AREL1: variants seen among roughly 807,000 people sequenced by gnomAD.
AREL1 encodes apoptosis resistant E3 ubiquitin protein ligase 1.
In AREL1, 62 loss-of-function variants were observed where a neutral mutation model predicts 99.0. That is an observed-to-expected ratio of 0.63 (90% confidence interval 0.51 to 0.77). AREL1 has a LOEUF of 0.77. Among genes scored for constraint, AREL1 ranks in the 30% least tolerant of loss-of-function variants. The pLI, the probability that AREL1 is intolerant of heterozygous loss-of-function variation, is 0.00. For synonymous variants in AREL1, 380 were observed against 376.5 expected (o/e 1.01, Z -0.11); for missense variants, 879 against 1,027.6 (o/e 0.86, Z 1.98).
At chr14:74,689,777 G>A (rs1048024502) in intron 2 of AREL1, among the ~76,000 whole-genome samples, 1 of 151,246 alleles carries the variant, frequency 6.6e-6, no homozygotes, top group African/African-American at 2.4e-5. Context: ...TGTATTTTTA[G>A]TAGAGACGGG....
At chr14:74,676,494 AAG>A (rs932640389) in intron 6 of AREL1, 87 bp downstream of exon 6, 76 of 1,477,498 alleles carry the variant, frequency 5.1e-5, no homozygotes, top group Non-Finnish European at 6.6e-5. Context: ...AGGAGAAGGA[AAG>A]AGAGATCGAA....
At chr14:74,707,777 G>C (rs1172258842) in intron 1 of AREL1, among the ~76,000 whole-genome samples, 1 of 137,692 alleles carries the variant, frequency 7.3e-6, no homozygotes, top group South Asian at 2.5e-4. Flanking sequence ...CTGGGCGACA[G>C]AGTGAGATTC....
Position 74,670,057 on chromosome 14 carries a change from C to T in AREL1, c.1678G>A (p.Gly560Ser). ...KMYEFAGRLV[G>S]KCLYESSLGG... The stretch of plus-strand genomic sequence containing the variant: ...AGAGAGGACTCATAGAGACACTTGC[C>T]CACGAGCCGTCCCGCAAACTCATAC... The change falls in exon 14 of 20, where the codon GGC becomes AGC. Residue 560 changes from glycine to serine, a missense_variant. Coordinates refer to ENST00000356357, the MANE Select transcript of AREL1 (RefSeq NM_001039479.2). 6.2e-7 allele frequency: 1 copy of T among 1,614,028 alleles called. No individual in the cohort carries two copies. Among genetic ancestry groups the T allele is most frequent in the Non-Finnish European group, 8.5e-7 (1 of 1,179,934 alleles).
chr14:74,669,790 GAC>G lies in AREL1; in HGVS notation c.1789-18_1789-17del. 3 of 1,613,994 alleles carry G rather than the reference GAC, an allele frequency of 1.9e-6. No homozygotes were observed. Among genetic ancestry groups the G allele is most frequent in the Non-Finnish European group, 2.5e-6 (3 of 1,179,932 alleles). On this transcript the variant is annotated splice_polypyrimidine_tract_variant and intron_variant, in intron 14 of 19. Transcript: ENST00000356357. The stretch of plus-strand genomic sequence containing the variant: ...TTTCAAAGTACTGAGGAGGCAGAAA[GAC>G]ACAGAACAGAACATGAATACTCTTG...
chr14:74,694,422 C>T (rs529257040), intron 1 of AREL1, among the ~76,000 whole-genome samples: 1 of 152,174 alleles, frequency 6.6e-6, no homozygotes, highest in East Asian at 1.9e-4. Flanking sequence ...AGGAACAAAA[C>T]TGTTTATGTA....
At chr14:74,697,106 C>T (rs964786079) in intron 1 of AREL1, among the ~76,000 whole-genome samples, 10 of 152,128 alleles carry the variant, frequency 6.6e-5, no homozygotes, top group African/African-American at 2.2e-4. Context: ...GATCACACCA[C>T]ACCACTGTAC....
rs1033536294 is a variant in AREL1, at chr14:74,662,693, G to A, written c.*1027C>T. The A allele has an allele frequency of 5.8e-5, 23 of 398,252 alleles. No homozygotes were observed. Among genetic ancestry groups the A allele is most frequent in the Non-Finnish European group, 7.5e-5 (17 of 225,948 alleles). The allele number at this position is 398,252 out of a possible 1,614,324, so 24.7% of individuals were successfully genotyped here. A position where few individuals can be genotyped will look rare whatever the true frequency, so the allele number is the denominator to read the frequency against. ...GACGCCAAGGACCTGTGATAAGCACGTAAACTCCTAGTCCCTGTTCCTTTG... is the reference window on the plus strand; with the variant it reads ...GACGCCAAGGACCTGTGATAAGCACATAAACTCCTAGTCCCTGTTCCTTTG... On this transcript the variant is annotated 3_prime_UTR_variant, in exon 20 of 20. Transcript: ENST00000356357.
intron 1 of AREL1, among the ~76,000 whole-genome samples, chr14:74,701,276 A>C (rs2090080572): frequency 1.3e-5 from 2 of 152,188 alleles, no homozygotes; most frequent in African/African-American, 2.4e-5. Context: ...AAGATATATT[A>C]GTCCAATTTC....
chr14:74,683,254 G>T, intron 5 of AREL1, 42 bp downstream of exon 5: 1 of 1,377,540 alleles, frequency 7.3e-7, no homozygotes, highest in South Asian at 1.2e-5. Context: ...AAGAGAGAGA[G>T]GGAAGGAGAC....
chr14:74,707,591 C>T lies in AREL1; in HGVS notation c.-334+5342G>A, dbSNP rs555698869. Among the ~76,000 whole-genome samples the T allele has an allele frequency of 1.2e-4, 18 of 152,114 alleles. No homozygotes were observed. The East Asian group carries it at 1.7e-3, about 15-fold the overall frequency. On this transcript the variant is annotated intron_variant, in intron 1 of 19. Transcript: ENST00000356357. Reference sequence around the variant, plus strand: ...CAGGTGGGTCACAAGGTCAGGAGATCGAGACCTTCCTGGCTAACATGTGAA... The same window carrying T: ...CAGGTGGGTCACAAGGTCAGGAGATTGAGACCTTCCTGGCTAACATGTGAA...
intron 1 of AREL1, among the ~76,000 whole-genome samples, chr14:74,700,459 G>C (rs1459547006): frequency 6.6e-6 from 1 of 152,194 alleles, no homozygotes; most frequent in Non-Finnish European, 1.5e-5. Context: ...TCTTGGGATA[G>C]GAAGAATTAA....
At chr14:74,671,347 T>TTTTTGTG in intron 12 of AREL1, 61 bp downstream of exon 12, 1 of 304,358 alleles carries the variant, frequency 3.3e-6, no homozygotes, top group Non-Finnish European at 5.7e-6. Flanking sequence ...TTTTTTTTTG[T>TTTTTGTG]GGAGAAGGTG....
intron 5 of AREL1, among the ~76,000 whole-genome samples, chr14:74,680,056 A>G (rs2089594588): frequency 6.6e-6 from 1 of 151,872 alleles, no homozygotes; most frequent in Non-Finnish European, 1.5e-5. Context: ...CCTGCCTGTA[A>G]TCCCAGCTAC....
intron 1 of AREL1, among the ~76,000 whole-genome samples, chr14:74,707,117 C>T (rs1339070910): frequency 6.6e-6 from 1 of 152,160 alleles, no homozygotes; most frequent in East Asian, 1.9e-4. Flanking sequence ...CCTATAATCC[C>T]AGCACTTTGG....
intron 1 of AREL1, among the ~76,000 whole-genome samples, chr14:74,705,554 G>C (rs1222110496): frequency 8.6e-5 from 13 of 152,044 alleles, no homozygotes; most frequent in Admixed American, 8.5e-4. Context: ...TTAAGCCAGG[G>C]ACAATAAACT....
At chr14:74,684,392 G>A in intron 4 of AREL1, 62 bp downstream of exon 4, 1 of 1,460,846 alleles carries the variant, frequency 6.8e-7, no homozygotes, top group Non-Finnish European at 9.6e-7. Flanking sequence ...CCAGCACCTG[G>A]GCTCTGGAAA....
At chr14:74,710,189 T>G (rs1162685812) in intron 1 of AREL1, among the ~76,000 whole-genome samples, 2 of 152,232 alleles carry the variant, frequency 1.3e-5, no homozygotes, top group Non-Finnish European at 2.9e-5. Context: ...CATTTCACGC[T>G]ATAAGAACCT....
chr14:74,692,406 G>GA, intron 1 of AREL1, 78 bp from the exon 2 acceptor site: 1 of 355,760 alleles, frequency 2.8e-6, no homozygotes, highest in Non-Finnish European at 5.4e-6. Context: ...AAATCAAAGA[G>GA]AAGGTAGAAC....
Position 74,676,174 on chromosome 14 carries a change from T to C in AREL1, c.799A>G (p.Asn267Asp). ...ACISYQNQPI[N>D]NGEFDIIVLS... ...ACAATAATGTCAAATTCACCATTAT[T>C]GATTGGCTGATTTTGGTATGAAATG... is the stretch of plus-strand genomic sequence containing the variant. Residue 267 changes from asparagine (N) to aspartate (D), a missense_variant, in exon 7 of 20, where the codon AAT becomes GAT. Transcript: ENST00000356357. 1 of 1,614,030 alleles carries C rather than the reference T, an allele frequency of 6.2e-7. No individual in the cohort carries two copies. The highest frequency in any genetic ancestry group is 8.5e-7 in the Non-Finnish European group (1 of 1,180,020).
Sources: gnomAD v4.1 joint callset for allele counts (sites outside exome capture counted in the v4.1 genomes callset) on GRCh38, gnomAD v4.1.1 for gene constraint, MANE v1.5 for transcripts, NCBI Gene and HGNC (gene_info 2026-07-23, HGNC 2026-07-21) for gene names.